MMAA: variants seen among roughly 807,000 people sequenced by gnomAD.
MMAA encodes metabolism of cobalamin associated A.
A neutral mutation model predicts 45.0 loss-of-function variants in MMAA; 41 were observed. The observed-to-expected ratio is 0.91, with a 90% confidence interval of 0.71 to 1.18. The LOEUF is 1.18. Ranked by LOEUF, MMAA falls within the 50% of genes most tolerant of loss-of-function variation. MMAA has a pLI of 0.00. For missense variants in MMAA, 460 were observed against 495.7 expected, an observed-to-expected ratio of 0.93 and a Z score of 0.68; for synonymous variants, 154 against 178.2, an observed-to-expected ratio of 0.86 and a Z score of 1.08.
At chr4:145,624,573 A>C in intron 1 of MMAA, 1 of 1,222,388 alleles carries the variant, frequency 8.2e-7, no homozygotes, top group Non-Finnish European at 1.2e-6. Context: ...AGAAGGAACC[A>C]GCAATTCTAG....
At chr4:145,633,261 C>T (rs1447657905) in intron 1 of MMAA, among the ~76,000 whole-genome samples, 7 of 128,734 alleles carry the variant, frequency 5.4e-5, no homozygotes, top group African/African-American at 1.3e-4. Flanking sequence ...TGCAGTGATG[C>T]GATCTCGGCT....
chr4:145,631,263 A>G (rs921368778), intron 1 of MMAA, among the ~76,000 whole-genome samples: 1 of 152,216 alleles, frequency 6.6e-6, no homozygotes, highest in African/African-American at 2.4e-5. Context: ...GTCTCCAGCT[A>G]TTATTGTATT....
In MMAA at chr4:145,639,203, C is replaced by T. The variant is rs765799472; in HGVS notation, c.64C>T (p.Arg22Ter). Residue 22 changes from arginine to a stop codon, truncating the protein, a stop_gained, in exon 2 of 7, where the codon CGA becomes TGA. Coordinates refer to ENST00000649156, the MANE Select transcript of MMAA (RefSeq NM_172250.3). LOFTEE classifies it high-confidence loss of function. The part of the protein sequence containing the change: ...FLKGLLRAPF[R>*]CYHFIFHSST... ...AAAAGGCCTTTTAAGAGCACCTTTC[C>T]GATGTTACCACTTCATCTTTCACTC... 2.9e-5 allele frequency: 46 copies of T among 1,613,972 alleles called. No individual in the cohort carries two copies. Among genetic ancestry groups the T allele is most frequent in the Non-Finnish European group, 3.6e-5 (43 of 1,180,032 alleles).
chr4:145,651,125 C>G lies in MMAA; in HGVS notation c.797C>G (p.Pro266Arg). 1 of 1,614,026 alleles carries G rather than the reference C, an allele frequency of 6.2e-7. No homozygotes were observed. The highest frequency in any genetic ancestry group is 8.5e-7 in the Non-Finnish European group (1 of 1,179,944). The change falls in exon 5 of 7, where the codon CCA becomes CGA. Residue 266 changes from proline (P) to arginine (R), a missense_variant. Transcript: ENST00000649156. ...MVDMFVLLLP[P>R]AGGDELQGIK... ...GACATGTTTGTTTTACTACTGCCAC[C>G]AGCAGGAGGAGATGAGCTGCAGGTA...
At chr4:145,650,735 C>G in intron 4 of MMAA, 1 of 345,166 alleles carries the variant, frequency 2.9e-6, no homozygotes, top group Admixed American at 4.5e-5. Flanking sequence ...AGGCATGATT[C>G]AAGATTAGAG....
rs1364685722 is a variant in MMAA, at chr4:145,651,125, C to T, written c.797C>T (p.Pro266Leu). The T allele has an allele frequency of 6.2e-7, 1 of 1,614,026 alleles. No homozygotes were observed. Residue 266 changes from proline to leucine, a missense_variant, in exon 5 of 7, where the codon CCA becomes CTA. Coordinates refer to ENST00000649156, the MANE Select transcript of MMAA (RefSeq NM_172250.3). The part of the protein sequence containing the change: ...MVDMFVLLLP[P>L]AGGDELQGIK... The stretch of plus-strand genomic sequence containing the variant: ...GACATGTTTGTTTTACTACTGCCAC[C>T]AGCAGGAGGAGATGAGCTGCAGGTA...
chr4:145,646,805 G>T (rs545935206), intron 4 of MMAA, among the ~76,000 whole-genome samples: 9 of 152,326 alleles, frequency 5.9e-5, no homozygotes, highest in Non-Finnish European at 1.2e-4. Context: ...ACGGGAGTGA[G>T]AAAACATGGC....
chr4:145,642,304 C>T (rs1301201416), intron 2 of MMAA, 59 bp from the exon 3 acceptor site: 1 of 1,593,570 alleles, frequency 6.3e-7, no homozygotes, highest in Non-Finnish European at 8.6e-7. Context: ...CTCAGTAAAA[C>T]TGATCGTAGT....
At chr4:145,632,388 G>T (rs990584198) in intron 1 of MMAA, among the ~76,000 whole-genome samples, 4 of 152,120 alleles carry the variant, frequency 2.6e-5, no homozygotes, top group Admixed American at 6.5e-5. Context: ...GAGCTCCATT[G>T]TATGTTGTTT....
At chr4:145,633,243 G>A (rs1279303448) in intron 1 of MMAA, among the ~76,000 whole-genome samples, 2 of 125,762 alleles carry the variant, frequency 1.6e-5, no homozygotes, top group Non-Finnish European at 3.1e-5. Flanking sequence ...CTGTTACCCA[G>A]GCTGGAATGC....
Position 145,639,257 on chromosome 4 carries a change from T to G in MMAA, c.118T>G (p.Cys40Gly). Reference protein sequence around the residue: ...SSTHLGSGIPCAQPFNSLGLH... With the variant: ...SSTHLGSGIPGAQPFNSLGLH... ...TACTCATCTCGGATCAGGAATCCCA[T>G]GTGCTCAGCCGTTTAATTCTCTTGG... is the stretch of plus-strand genomic sequence containing the variant. Residue 40 changes from cysteine (C) to glycine (G), a missense_variant, in exon 2 of 7, where the codon TGT becomes GGT. Coordinates refer to ENST00000649156, the MANE Select transcript of MMAA (RefSeq NM_172250.3). 6.2e-7 allele frequency: 1 copy of G among 1,614,204 alleles called. No homozygotes were observed. Among genetic ancestry groups the G allele is most frequent in the East Asian group, 2.2e-5 (1 of 44,888 alleles).
At chr4:145,634,004 G>A (rs1389006660) in intron 1 of MMAA, among the ~76,000 whole-genome samples, 1 of 152,206 alleles carries the variant, frequency 6.6e-6, no homozygotes, top group Non-Finnish European at 1.5e-5. Context: ...ACTGTACTGG[G>A]TCAGACCTGA....
rs201679920 is a variant in MMAA at position 145,649,125 on chromosome 4, C to CAA, written c.734-1915_734-1914dup. Among the ~76,000 whole-genome samples the CAA allele has an allele frequency of 2.1e-3, 189 of 89,862 alleles. 3 individuals are homozygous for CAA. The highest frequency in any genetic ancestry group is 2.0e-3 in the Non-Finnish European group (81 of 40,436). 59.0% of individuals were successfully genotyped at this position (89,862 alleles called of 152,430 possible). On this transcript the variant is annotated intron_variant, in intron 4 of 6. Coordinates refer to ENST00000649156, the MANE Select transcript of MMAA (RefSeq NM_172250.3). ...GCAACATAGCAAGCCTTGGTTCTAT[C>CAA]AAAAAAAAAAAAAAAAAAAAAAATT... is the stretch of plus-strand genomic sequence containing the variant.
intron 1 of MMAA, chr4:145,624,661 T>C: frequency 1.4e-6 from 2 of 1,457,792 alleles, no homozygotes; most frequent in South Asian, 2.4e-5. Context: ...AGGGAATCTT[T>C]ATGTTTCTCA....
Position 145,639,581 on chromosome 4 carries a change from C to T in MMAA, c.439+3C>T. On this transcript the variant is annotated splice_donor_region_variant and intron_variant, in intron 2 of 6. Coordinates refer to ENST00000649156, the MANE Select transcript of MMAA (RefSeq NM_172250.3). ...AAAACCACTAGCATTTCGAGTAGGT[C>T]AGTCTTTTTTGTGTGTTTTCTCAGT... The T allele has an allele frequency of 6.2e-7, 1 of 1,605,980 alleles. No individual in the cohort carries two copies. The highest frequency in any genetic ancestry group is 8.5e-7 in the Non-Finnish European group (1 of 1,175,548).
At chr4:145,648,148 T>C (rs1483071560) in intron 4 of MMAA, among the ~76,000 whole-genome samples, 1 of 128,458 alleles carries the variant, frequency 7.8e-6, no homozygotes, top group Admixed American at 7.9e-5. Context: ...GTGCCTGGCC[T>C]TTTTTTTTTT....
chr4:145,625,661 C>A (rs1734185228), intron 1 of MMAA: 2 of 1,214,360 alleles, frequency 1.6e-6, no homozygotes, highest in Non-Finnish European at 2.4e-6. Context: ...TCAAACTGCC[C>A]AGTCTCTCTA....
rs200577967 is a variant in MMAA at position 145,639,573 on chromosome 4, G to C, written c.434G>C (p.Arg145Pro). Reference protein sequence around the residue: ...QSNKGKPLAFRVGLSGPPGAG... With the variant: ...QSNKGKPLAFPVGLSGPPGAG... Reference sequence around the variant, plus strand: ...AATAAAGGAAAACCACTAGCATTTCGAGTAGGTCAGTCTTTTTTGTGTGTT... The same window carrying C: ...AATAAAGGAAAACCACTAGCATTTCCAGTAGGTCAGTCTTTTTTGTGTGTT... Residue 145 changes from arginine to proline, a missense_variant, in exon 2 of 7, where the codon CGA (arginine) becomes CCA (proline). Transcript: ENST00000649156. 1 of 1,607,922 alleles carries C rather than the reference G, an allele frequency of 6.2e-7. No individual in the cohort carries two copies.
At chr4:145,633,798 G>A (rs1023779542) in intron 1 of MMAA, among the ~76,000 whole-genome samples, 46 of 152,148 alleles carry the variant, frequency 3.0e-4, no homozygotes, top group African/African-American at 1.0e-3. Context: ...CTGCATTTTG[G>A]GGCACCCCAA....
Sources: allele counts gnomAD v4.1 joint callset (sites outside exome capture counted in the v4.1 genomes callset), GRCh38; gene constraint gnomAD v4.1.1; transcripts MANE v1.5; gene names NCBI Gene and HGNC (gene_info 2026-07-23, HGNC 2026-07-21).